Variants in POT1 observed in about 807,000 individuals in gnomAD.
POT1 encodes protection of telomeres 1, also known as protection of telomeres protein 1.
A neutral mutation model predicts 78.5 loss-of-function variants in POT1; 47 were observed. That is an observed-to-expected ratio of 0.60 (90% CI 0.47 to 0.76). POT1 has a LOEUF of 0.76. Ranked by LOEUF, POT1 falls within the 30% of genes least tolerant of loss-of-function variation. The probability of loss-of-function intolerance (pLI) is 0.00; values close to 1 mark genes in which losing one functional copy is unlikely to be tolerated. For synonymous variants in POT1, 259 were observed against 260.7 expected (o/e 0.99, Z 0.06); for missense variants, 646 against 749.9 (o/e 0.86, Z 1.62).
intron 14 of POT1, among the ~76,000 whole-genome samples, chr7:124,838,262 G>T (rs1480200434): frequency 6.6e-6 from 1 of 151,808 alleles, no homozygotes; most frequent in East Asian, 1.9e-4. Flanking sequence ...TTGTTTACAG[G>T]AAATCACAAC....
chr7:124,824,181 T>C, intron 18 of POT1, 107 bp from the exon 19 acceptor site: 1 of 655,344 alleles, frequency 1.5e-6, no homozygotes, highest in South Asian at 2.1e-5. Flanking sequence ...AACATTTATT[T>C]TGGCTTGAAA....
At chr7:124,855,434 A>G (rs1207779975) in intron 9 of POT1, among the ~76,000 whole-genome samples, 1 of 151,854 alleles carries the variant, frequency 6.6e-6, no homozygotes, top group African/African-American at 2.4e-5. Flanking sequence ...TAAGTTATTC[A>G]CATAAAGATA....
At chr7:124,840,909 A>G (rs1562980699) in intron 14 of POT1, 64 bp downstream of exon 14, 1 of 1,316,014 alleles carries the variant, frequency 7.6e-7, no homozygotes. Context: ...GTATTAAACA[A>G]TAATTAATTA....
At chr7:124,851,785 CAA>C in intron 11 of POT1, 85 bp downstream of exon 11, 2 of 957,308 alleles carry the variant, frequency 2.1e-6, no homozygotes, top group Non-Finnish European at 3.3e-6. Flanking sequence ...ATAAGAGAGA[CAA>C]AGAGAAGACA....
intron 6 of POT1, among the ~76,000 whole-genome samples, chr7:124,891,490 AG>A (rs1384696228): frequency 5.9e-5 from 9 of 151,382 alleles, no homozygotes; most frequent in Non-Finnish European, 3.0e-5. Context: ...ATTTTTTATT[AG>A]GTAATTTAAT....
intron 6 of POT1, among the ~76,000 whole-genome samples, chr7:124,876,573 C>T (rs1486880312): frequency 6.6e-6 from 1 of 152,146 alleles, no homozygotes; most frequent in Non-Finnish European, 1.5e-5. Flanking sequence ...GCACCTGCTT[C>T]CCCACAATGA....
chr7:124,896,715 G>A (rs1369135490), intron 5 of POT1, among the ~76,000 whole-genome samples: 3 of 151,570 alleles, frequency 2.0e-5, no homozygotes, highest in African/African-American at 7.3e-5. Context: ...AAATAGTGGG[G>A]AAAATGGTTA....
chr7:124,847,391 G>A (rs1795198413), intron 11 of POT1, among the ~76,000 whole-genome samples: 1 of 152,214 alleles, frequency 6.6e-6, no homozygotes, highest in Non-Finnish European at 1.5e-5. Context: ...CTACTCAGCA[G>A]GCTGAGGCAT....
Position 124,823,769 on chromosome 7 carries a change from C to A in POT1, c.*193G>T. 1 of 532,612 alleles carries A rather than the reference C, an allele frequency of 1.9e-6. No homozygotes were observed. Among genetic ancestry groups the A allele is most frequent in the Non-Finnish European group, 3.3e-6 (1 of 304,456 alleles). 33.0% of individuals were successfully genotyped at this position (532,612 alleles called of 1,614,324 possible). A position where few individuals can be genotyped will look rare whatever the true frequency, so the allele number is the denominator to read the frequency against. ...CTTTGTACAAAAGCAAAACAGAAAG[C>A]AAAACAAAATCCATAGCCATTATTT... On this transcript the variant is annotated 3_prime_UTR_variant, in exon 19 of 19. Coordinates refer to ENST00000357628, the MANE Select transcript of POT1 (RefSeq NM_015450.3).
At chr7:124,903,595 T>A (rs1796680037) in intron 3 of POT1, among the ~76,000 whole-genome samples, 1 of 152,052 alleles carries the variant, frequency 6.6e-6, no homozygotes, top group African/African-American at 2.4e-5. Flanking sequence ...ATGGACACCC[T>A]AACATCACAA....
In POT1 at chr7:124,882,699, T is replaced by TAA. The variant is rs11462505; in HGVS notation, c.124+9565_124+9566dup. On this transcript the variant is annotated intron_variant, in intron 6 of 18. Coordinates refer to ENST00000357628, the MANE Select transcript of POT1 (RefSeq NM_015450.3). Reference sequence around the variant, plus strand: ...AGACTGTACCACAAGTTTTAAGAATTAAAAAAACAGTACTAAATTTTATGA... The same window carrying TAA: ...AGACTGTACCACAAGTTTTAAGAATTAAAAAAAAACAGTACTAAATTTTATGA... Among the ~76,000 whole-genome samples, 150 of 151,398 alleles carry TAA rather than the reference T, an allele frequency of 9.9e-4. 1 individual carries two copies. The highest frequency in any genetic ancestry group is 3.5e-3 in the South Asian group (17 of 4,812).
At chr7:124,857,563 A>G (rs543365960) in intron 9 of POT1, among the ~76,000 whole-genome samples, 3 of 152,308 alleles carry the variant, frequency 2.0e-5, no homozygotes, top group Admixed American at 2.0e-4. Context: ...GCCATCAGAC[A>G]CTATGGCTGG....
chr7:124,900,345 T>A (rs1796588282), intron 3 of POT1, among the ~76,000 whole-genome samples: 2 of 152,184 alleles, frequency 1.3e-5, no homozygotes, highest in African/African-American at 4.8e-5. Flanking sequence ...TTTCAAAGTC[T>A]AGCCTTCTTC....
intron 15 of POT1, among the ~76,000 whole-genome samples, chr7:124,833,786 C>G (rs943893520): frequency 6.6e-6 from 1 of 152,178 alleles, no homozygotes; most frequent in South Asian, 2.1e-4. Flanking sequence ...CGTGTACTCT[C>G]ACTATATATG....
intron 6 of POT1, among the ~76,000 whole-genome samples, chr7:124,881,229 C>G: frequency 6.6e-6 from 1 of 151,856 alleles, no homozygotes; most frequent in Non-Finnish European, 1.5e-5. Flanking sequence ...AGCATCATTA[C>G]TACACATCAG....
intron 8 of POT1, among the ~76,000 whole-genome samples, chr7:124,859,681 A>G (rs551989735): frequency 6.6e-6 from 1 of 151,530 alleles, no homozygotes; most frequent in East Asian, 1.9e-4. Flanking sequence ...CATACAAATT[A>G]CCCACCAGCT....
intron 2 of POT1, among the ~76,000 whole-genome samples, chr7:124,916,102 C>T (rs1797008429): frequency 6.6e-6 from 1 of 152,070 alleles, no homozygotes; most frequent in Non-Finnish European, 1.5e-5. Flanking sequence ...TGTTCAGTTT[C>T]TGTAACTAAC....
intron 7 of POT1, among the ~76,000 whole-genome samples, chr7:124,868,603 C>T (rs1163684757): frequency 1.3e-5 from 2 of 150,916 alleles, no homozygotes; most frequent in African/African-American, 4.9e-5. Flanking sequence ...TGTTTTCTGA[C>T]CACCACAATA....
chr7:124,852,233 A>T (rs551510522), intron 10 of POT1, among the ~76,000 whole-genome samples: 1 of 152,280 alleles, frequency 6.6e-6, no homozygotes, highest in East Asian at 1.9e-4. Flanking sequence ...GAACAATCTA[A>T]CTCTAGATTC....
Sources: gnomAD v4.1 joint callset for allele counts (sites outside exome capture counted in the v4.1 genomes callset) on GRCh38, gnomAD v4.1.1 for gene constraint, MANE v1.5 for transcripts, NCBI Gene and HGNC (gene_info 2026-07-23, HGNC 2026-07-21) for gene names.